Variants in ADARB2 observed in about 807,000 individuals in gnomAD.
ADARB2 encodes the protein adenosine deaminase RNA specific B2 (inactive).
ADARB2 carries 25 observed loss-of-function variants against 62.2 expected under a neutral mutation model. The ratio of observed to expected loss-of-function variants is 0.40; its 90% CI spans 0.29 to 0.56. The LOEUF is 0.56. Ranked by LOEUF, ADARB2 falls within the 20% of genes least tolerant of loss-of-function variation. The probability of loss-of-function intolerance (pLI) is 0.43; values close to 1 mark genes in which losing one functional copy is unlikely to be tolerated. For missense variants in ADARB2, 1,071 were observed against 1,077.4 expected, an observed-to-expected ratio of 0.99 and a Z score of 0.08; for synonymous variants, 572 against 500.8, an observed-to-expected ratio of 1.14 and a Z score of -1.90.
At chr10:1,594,314 AAAC>A (rs749975495) in intron 1 of ADARB2, among the ~76,000 whole-genome samples, 26 of 152,130 alleles carry the variant, frequency 1.7e-4, no homozygotes, top group Middle Eastern at 3.4e-3. Flanking sequence ...AAAACAAACA[AAAC>A]AACAACAACA....
Position 1,634,600 on chromosome 10 carries a change from G to A in ADARB2, c.100+102451C>T, listed in dbSNP as rs144349597. Among the ~76,000 whole-genome samples, 6 of 152,288 alleles carry A rather than the reference G, an allele frequency of 3.9e-5. No individual in the cohort carries two copies. The East Asian group carries it at 9.6e-4, about 24-fold the overall frequency. The stretch of plus-strand genomic sequence containing the variant: ...TTTGGAAATGAACCTGCCAAGTATT[G>A]TCATATACTTGGCAAGATTCCTGCA... On this transcript the variant is annotated intron_variant, in intron 1 of 9. Coordinates refer to ENST00000381312, the MANE Select transcript of ADARB2 (RefSeq NM_018702.4).
intron 3 of ADARB2, among the ~76,000 whole-genome samples, chr10:1,337,194 T>C (rs1029560977): frequency 6.6e-6 from 1 of 152,116 alleles, no homozygotes; most frequent in African/African-American, 2.4e-5. Context: ...ATGTGGTGTA[T>C]GTGTGCACTT....
At chr10:1,289,474 GAGGAGGAGGCCTTC>G (rs1466125196) in intron 3 of ADARB2, among the ~76,000 whole-genome samples, 2 of 150,224 alleles carry the variant, frequency 1.3e-5, no homozygotes, top group Non-Finnish European at 1.5e-5. Context: ...CTGGAAGAGG[GAGGAGGAGGCCTTC>G]AGGGGGAGGC....
chr10:1,324,704 C>T (rs1295951438), intron 3 of ADARB2, among the ~76,000 whole-genome samples: 2 of 152,042 alleles, frequency 1.3e-5, no homozygotes, highest in East Asian at 3.8e-4. Context: ...GGAGAACAGA[C>T]CAGTGGCCAC....
intron 6 of ADARB2, among the ~76,000 whole-genome samples, chr10:1,232,177 GCACA>G (rs1410648619): frequency 5.7e-5 from 8 of 139,504 alleles, no homozygotes; most frequent in Admixed American, 6.8e-5. Context: ...CACACACACC[GCACA>G]CACACCGCAC....
chr10:1,268,590 G>A (rs1396965529), intron 4 of ADARB2, among the ~76,000 whole-genome samples: 2 of 152,116 alleles, frequency 1.3e-5, no homozygotes, highest in South Asian at 2.1e-4. Context: ...AATTTCTTAG[G>A]TATTTGCTTG....
chr10:1,215,779 G>A (rs1157164836), intron 7 of ADARB2: 2 of 152,246 alleles, frequency 1.3e-5, no homozygotes, highest in Non-Finnish European at 2.9e-5. Flanking sequence ...GGAAACTCAT[G>A]CTGTCCCCAC....
At chr10:1,412,785 C>A (rs796532622) in intron 1 of ADARB2, among the ~76,000 whole-genome samples, 1 of 152,200 alleles carries the variant, frequency 6.6e-6, no homozygotes, top group East Asian at 1.9e-4. Context: ...TGGGAAGCTA[C>A]GTTGCTTCTC....
In ADARB2 at chr10:1,347,393, C is replaced by T. The variant is rs74119535; in HGVS notation, c.1077+15635G>A. The stretch of plus-strand genomic sequence containing the variant: ...TTCATTCTCCCAGCTGCTCTGTGAG[C>T]GACTGCTTTTGGTATCATCTCATTT... On this transcript the variant is annotated intron_variant, in intron 3 of 9. Transcript: ENST00000381312. Among the ~76,000 whole-genome samples, 1,322 of 152,304 alleles carry T rather than the reference C, an allele frequency of 8.7e-3. 20 individuals are homozygous for T. The highest frequency in any genetic ancestry group is 0.029 in the African/African-American group (1,200 of 41,558).
At chr10:1,469,665 A>C (rs1476763060) in intron 1 of ADARB2, among the ~76,000 whole-genome samples, 1 of 152,226 alleles carries the variant, frequency 6.6e-6, no homozygotes, top group Non-Finnish European at 1.5e-5. Context: ...ACAAAAAAGA[A>C]AACAGTGCTT....
chr10:1,313,841 A>G (rs1051092186), intron 3 of ADARB2, among the ~76,000 whole-genome samples: 4 of 152,190 alleles, frequency 2.6e-5, no homozygotes, highest in Admixed American at 6.5e-5. Context: ...TGGACTCCCA[A>G]ATTCCTGTGG....
chr10:1,207,177 T>A (rs913465737), intron 7 of ADARB2, among the ~76,000 whole-genome samples: 7 of 151,984 alleles, frequency 4.6e-5, no homozygotes, highest in African/African-American at 1.7e-4. Flanking sequence ...CGAAACCCTG[T>A]CTCTACTAAA....
chr10:1,194,508 T>C (rs957585445), intron 8 of ADARB2, among the ~76,000 whole-genome samples: 1 of 134,096 alleles, frequency 7.5e-6, no homozygotes, highest in Non-Finnish European at 1.6e-5. Flanking sequence ...CTATCATCTA[T>C]CTATTATCTA....
At chr10:1,306,120 T>C (rs575657457) in intron 3 of ADARB2, among the ~76,000 whole-genome samples, 2 of 151,090 alleles carry the variant, frequency 1.3e-5, no homozygotes, top group East Asian at 2.0e-4. Flanking sequence ...AGTCAAATTG[T>C]CCCTGTTTGC....
intron 1 of ADARB2, among the ~76,000 whole-genome samples, chr10:1,568,256 T>A (rs1248983721): frequency 6.6e-6 from 1 of 152,112 alleles, no homozygotes; most frequent in Non-Finnish European, 1.5e-5. Context: ...TATATTGGTC[T>A]AGATGGAGCT....
At chr10:1,364,896 G>A (rs1455143421) in intron 2 of ADARB2, among the ~76,000 whole-genome samples, 2 of 142,824 alleles carry the variant, frequency 1.4e-5, no homozygotes, top group African/African-American at 2.6e-5. Flanking sequence ...TTTTTGCGAC[G>A]GAATCTCACT....
chr10:1,676,041 C>G (rs1335635793), intron 1 of ADARB2: 1 of 985,272 alleles, frequency 1.0e-6, no homozygotes, highest in African/African-American at 1.7e-5. Flanking sequence ...GTTTCTAACT[C>G]TTGACCTGAG....
chr10:1,563,303 C>T (rs1382835940), intron 1 of ADARB2, among the ~76,000 whole-genome samples: 2 of 152,176 alleles, frequency 1.3e-5, no homozygotes, highest in African/African-American at 4.8e-5. Flanking sequence ...ACGTGTATCC[C>T]TGCATCCTCC....
chr10:1,409,661 A>G (rs1588247824), intron 1 of ADARB2, among the ~76,000 whole-genome samples: 2 of 112,442 alleles, frequency 1.8e-5, no homozygotes, highest in Admixed American at 9.2e-5. Context: ...CATGGTGCCG[A>G]GGCCTGGCCA....
Sources: gnomAD v4.1 joint callset for allele counts (sites outside exome capture counted in the v4.1 genomes callset) on GRCh38, gnomAD v4.1.1 for gene constraint, MANE v1.5 for transcripts, NCBI Gene and HGNC (gene_info 2026-07-23, HGNC 2026-07-21) for gene names.